The following RBFOX1 variants were observed in gnomAD, a reference collection of about 807,000 sequenced individuals.
RBFOX1 encodes RNA binding protein fox-1 homolog 1.
A neutral mutation model predicts 57.7 loss-of-function variants in RBFOX1; 8 were observed. That is an observed-to-expected ratio of 0.14 (90% CI 0.08 to 0.25). The LOEUF is 0.25. Among genes scored for constraint, RBFOX1 ranks in the 10% least tolerant of loss-of-function variants. The pLI, the probability that RBFOX1 is intolerant of heterozygous loss-of-function variation, is 1.00. For synonymous variants in RBFOX1, 326 were observed against 222.4 expected, an observed-to-expected ratio of 1.47 and a Z score of -4.15; for missense variants, 611 against 548.5, an observed-to-expected ratio of 1.11 and a Z score of -1.14.
intron 4 of RBFOX1, among the ~76,000 whole-genome samples, chr16:5,881,722 G>C (rs2057768374): frequency 6.6e-6 from 1 of 152,000 alleles, no homozygotes; most frequent in South Asian, 2.1e-4. Context: ...ATTAATAAAG[G>C]CTAAAATTTT....
intron 1 of RBFOX1, among the ~76,000 whole-genome samples, chr16:6,224,603 G>A (rs1008502831): frequency 6.6e-6 from 1 of 152,152 alleles, no homozygotes; most frequent in African/African-American, 2.4e-5. Context: ...TGATTCACCT[G>A]CTAGGTCTGC....
At chr16:7,658,536 C>G (rs991993179) in intron 12 of RBFOX1, among the ~76,000 whole-genome samples, 16 of 152,060 alleles carry the variant, frequency 1.1e-4, no homozygotes, top group Non-Finnish European at 1.0e-4. Flanking sequence ...TCAGGGAGCT[C>G]ACAAGCTGAT....
chr16:5,619,913 C>T (rs1596479898), intron 3 of RBFOX1, among the ~76,000 whole-genome samples: 1 of 151,578 alleles, frequency 6.6e-6, no homozygotes, highest in African/African-American at 2.4e-5. Flanking sequence ...TGACTTTCTA[C>T]AGCCATTATT....
chr16:6,208,207 TA>T (rs1004970930), intron 1 of RBFOX1, among the ~76,000 whole-genome samples: 41 of 152,180 alleles, frequency 2.7e-4, no homozygotes, highest in African/African-American at 9.4e-4. Context: ...ACTATAAGTT[TA>T]AAAAAATACT....
chr16:7,264,879 T>A (rs1267192685), intron 4 of RBFOX1, among the ~76,000 whole-genome samples: 1 of 152,234 alleles, frequency 6.6e-6, no homozygotes, highest in Non-Finnish European at 1.5e-5. Flanking sequence ...CATGACTATT[T>A]GAGACATTTA....
intron 3 of RBFOX1, among the ~76,000 whole-genome samples, chr16:6,919,613 A>G (rs1275715058): frequency 6.6e-6 from 1 of 152,134 alleles, no homozygotes; most frequent in Non-Finnish European, 1.5e-5. Flanking sequence ...GTATCTTCGA[A>G]CAAGTATCTG....
At chr16:6,527,088 C>G (rs1219351817) in intron 2 of RBFOX1, among the ~76,000 whole-genome samples, 1 of 151,936 alleles carries the variant, frequency 6.6e-6, no homozygotes, top group East Asian at 1.9e-4. Context: ...CTCTTTGTAC[C>G]CATTGCCTTT....
rs1211322183 is a variant in RBFOX1, at chr16:6,116,620, T to C, written c.-127+96628T>C. 2.0e-5 allele frequency among the ~76,000 whole-genome samples: 3 copies of C among 152,142 alleles called. No individual in the cohort carries two copies. In the East Asian group the frequency reaches 5.8e-4, roughly 29 times the overall value. On this transcript the variant is annotated intron_variant, in intron 1 of 15. Transcript: ENST00000550418. ...GAAGAGGAACTTCTGAAGCTAAAAA[T>C]ATCTGCTAGCTTGTATAAATGCTAG... is the stretch of plus-strand genomic sequence containing the variant.
At chr16:6,856,539 A>G (rs1275340772) in intron 3 of RBFOX1, among the ~76,000 whole-genome samples, 1 of 152,126 alleles carries the variant, frequency 6.6e-6, no homozygotes, top group African/African-American at 2.4e-5. Context: ...ATGCTCCCTC[A>G]TGAATGTTCA....
chr16:5,613,807 T>A (rs2047914932), intron 3 of RBFOX1, among the ~76,000 whole-genome samples: 1 of 152,108 alleles, frequency 6.6e-6, no homozygotes, highest in African/African-American at 2.4e-5. Flanking sequence ...AGATGGGGTT[T>A]TTTTTTTTCT....
chr16:6,584,598 A>G (rs376164637), intron 2 of RBFOX1, among the ~76,000 whole-genome samples: 2 of 151,752 alleles, frequency 1.3e-5, no homozygotes, highest in African/African-American at 4.8e-5. Context: ...CAAACTCCTC[A>G]CCTCAAATGA....
intron 4 of RBFOX1, among the ~76,000 whole-genome samples, chr16:7,441,096 G>C (rs911515467): frequency 3.9e-5 from 6 of 152,096 alleles, no homozygotes; most frequent in Non-Finnish European, 1.5e-5. Context: ...CCTCTTTAAA[G>C]AGAAATGGAA....
At chr16:7,238,351 T>C (rs955499623) in intron 4 of RBFOX1, among the ~76,000 whole-genome samples, 3 of 142,474 alleles carry the variant, frequency 2.1e-5, no homozygotes, top group Non-Finnish European at 4.6e-5. Context: ...ATAAATAAAA[T>C]AAAAATTAAA....
intron 14 of RBFOX1, among the ~76,000 whole-genome samples, chr16:7,697,033 A>G (rs1568520502): frequency 6.6e-6 from 1 of 152,166 alleles, no homozygotes; most frequent in South Asian, 2.1e-4. Flanking sequence ...GCTGCAGAAC[A>G]TATTTGGGAT....
At chr16:7,262,710 G>C (rs1478532405) in intron 4 of RBFOX1, among the ~76,000 whole-genome samples, 2 of 152,230 alleles carry the variant, frequency 1.3e-5, no homozygotes, top group African/African-American at 4.8e-5. Flanking sequence ...CAGGTGTCTT[G>C]GTTATCACCA....
At chr16:5,632,739 G>T (rs543777137) in intron 3 of RBFOX1, among the ~76,000 whole-genome samples, 14 of 152,220 alleles carry the variant, frequency 9.2e-5, no homozygotes, top group South Asian at 2.1e-4. Context: ...TTACTGTCCC[G>T]CACATGCTGC....
chr16:6,031,617 AT>A (rs1242719279), intron 1 of RBFOX1, among the ~76,000 whole-genome samples: 2 of 152,128 alleles, frequency 1.3e-5, no homozygotes, highest in African/African-American at 4.8e-5. Flanking sequence ...TTTTGTGTAC[AT>A]TTCTGCACGT....
At chr16:5,944,081 A>C (rs762543390) in intron 4 of RBFOX1, among the ~76,000 whole-genome samples, 1 of 152,140 alleles carries the variant, frequency 6.6e-6, no homozygotes, top group African/African-American at 2.4e-5. Flanking sequence ...GCCCACATAC[A>C]TAGAGCATCA....
At chr16:5,243,768 C>G (rs1250479523) in intron 1 of RBFOX1, among the ~76,000 whole-genome samples, 8 of 152,156 alleles carry the variant, frequency 5.3e-5, no homozygotes, top group African/African-American at 1.9e-4. Flanking sequence ...AAAATTAATA[C>G]TACTGCAGGG....
Sources: allele counts gnomAD v4.1 joint callset (sites outside exome capture counted in the v4.1 genomes callset), GRCh38; gene constraint gnomAD v4.1.1; transcripts MANE v1.5; gene names NCBI Gene and HGNC (gene_info 2026-07-23, HGNC 2026-07-21).